MECR: variants seen among roughly 807,000 people sequenced by gnomAD.
MECR encodes mitochondrial trans-2-enoyl-CoA reductase, also known as enoyl-[acyl-carrier-protein] reductase, mitochondrial.
Under a neutral mutation model 49.1 loss-of-function variants are expected in MECR, and 37 were observed. The ratio of observed to expected loss-of-function variants is 0.75; its 90% CI spans 0.58 to 0.99. The LOEUF (loss-of-function observed/expected upper bound fraction) is 0.99, where lower values mean the gene tolerates loss of function less well. MECR is among the 50% of genes least tolerant of loss of function. The probability of loss-of-function intolerance (pLI) is 0.00; values close to 1 mark genes in which losing one functional copy is unlikely to be tolerated. For missense variants in MECR, 470 were observed against 479.6 expected, an observed-to-expected ratio of 0.98 and a Z score of 0.19; for synonymous variants, 198 against 191.1, an observed-to-expected ratio of 1.04 and a Z score of -0.30.
intron 1 of MECR, 64 bp downstream of exon 1, chr1:29,230,667 C>T: frequency 6.6e-7 from 1 of 1,525,618 alleles, no homozygotes; most frequent in Non-Finnish European, 8.8e-7. Context: ...TCCCAGTCCG[C>T]AGCTCGTGTT....
chr1:29,172,812 T>C, the MECR span: 2 of 152,178 alleles, frequency 1.3e-5, no homozygotes, highest in Non-Finnish European at 1.5e-5. Context: ...CAAAGTTTTA[T>C]GCACATAATA....
chr1:29,188,920 G>A (rs1327088399), downstream of MECR, among the ~76,000 whole-genome samples: 1 of 150,770 alleles, frequency 6.6e-6, no homozygotes, highest in East Asian at 2.0e-4. Flanking sequence ...TTACAGGCGT[G>A]AGCCACCACG....
the MECR span, chr1:29,171,079 C>T: frequency 6.6e-6 from 1 of 152,106 alleles, no homozygotes; most frequent in African/African-American, 2.4e-5. Flanking sequence ...ACCAGACGGC[C>T]CTAGGAATGA....
intron 1 of MECR, chr1:29,223,179 C>T (rs1175078074): frequency 5.1e-6 from 5 of 985,272 alleles, no homozygotes; most frequent in African/African-American, 1.7e-5. Flanking sequence ...CCATGCAACT[C>T]GAGGGGATGC....
At chr1:29,191,460 C>T (rs535868719), downstream of MECR, among the ~76,000 whole-genome samples, 83 of 152,144 alleles carry the variant, frequency 5.5e-4, no homozygotes, top group Non-Finnish European at 1.1e-3. Context: ...TGTACCAGCA[C>T]GCCTGTCTAA....
chr1:29,205,860 AC>A (rs1676459163), intron 4 of MECR, among the ~76,000 whole-genome samples: 1 of 151,918 alleles, frequency 6.6e-6, no homozygotes, highest in Admixed American at 6.6e-5. Flanking sequence ...CGCAGCAGTA[AC>A]CGGGCTTCAT....
intron 1 of MECR, among the ~76,000 whole-genome samples, chr1:29,217,127 C>CAAA (rs1195549293): frequency 1.7e-4 from 8 of 47,260 alleles, no homozygotes; most frequent in African/African-American, 2.6e-4. Flanking sequence ...GACTTTGTCT[C>CAAA]AAAAAAAAAA....
At chr1:29,172,111 T>G in the MECR span, 1 of 152,112 alleles carries the variant, frequency 6.6e-6, no homozygotes, top group South Asian at 2.1e-4. Context: ...ATACACTTTT[T>G]TGGGGGGTAA....
rs1574449631 is a variant in MECR, at chr1:29,216,967, T to G, written c.177-282A>C. Among the ~76,000 whole-genome samples the G allele has an allele frequency of 2.6e-5, 4 of 151,080 alleles. No homozygotes were observed. In the East Asian group the frequency reaches 7.9e-4, roughly 30 times the overall value. On this transcript the variant is annotated intron_variant, in intron 1 of 9. Transcript: ENST00000263702. ...CTGGCCAACATGGTGAAAACCTGTC[T>G]CTACTAAAATACAAAAATTAGCTGG...
In MECR at chr1:29,221,015, G is replaced by A. The variant is rs946956894; in HGVS notation, c.177-4330C>T. The A allele has an allele frequency of 1.3e-5, 8 of 629,638 alleles. No individual in the cohort carries two copies. In the African/African-American group the frequency reaches 1.4e-4, roughly 11 times the overall value. 39.0% of individuals were successfully genotyped at this position (629,638 alleles called of 1,614,324 possible). On this transcript the variant is annotated intron_variant, in intron 1 of 9. Transcript: ENST00000263702. Reference sequence around the variant, plus strand: ...CAACAAATATTTATGGACAGTCGAAGTATCAGATACTGTGCCAAGGGGTTT... The same window carrying A: ...CAACAAATATTTATGGACAGTCGAAATATCAGATACTGTGCCAAGGGGTTT...
chr1:29,205,548 C>T (rs190707353), intron 4 of MECR, among the ~76,000 whole-genome samples: 153 of 150,146 alleles, frequency 1.0e-3, no homozygotes, highest in African/African-American at 3.4e-3. Context: ...CTGAGCAGGC[C>T]GGCTGGGGGT....
chr1:29,207,053 G>C, intron 3 of MECR, 148 bp from the exon 4 acceptor site: 1 of 799,518 alleles, frequency 1.3e-6, no homozygotes. Flanking sequence ...TTTAGAAAAA[G>C]AAGAAAATCT....
At chr1:29,215,353 G>T (rs972173538) in intron 3 of MECR, among the ~76,000 whole-genome samples, 1 of 152,134 alleles carries the variant, frequency 6.6e-6, no homozygotes, top group East Asian at 1.9e-4. Context: ...GCTGAGTGGT[G>T]GGTCACCTGA....
chr1:29,190,095 C>T (rs1437954702), downstream of MECR, among the ~76,000 whole-genome samples: 1 of 152,162 alleles, frequency 6.6e-6, no homozygotes, highest in East Asian at 1.9e-4. Flanking sequence ...ATAGTCAAGG[C>T]CGGGCGCGGT....
rs957464043 is a variant in MECR, at chr1:29,195,894, A to T, written c.964+47T>A. The T allele has an allele frequency of 3.1e-6, 5 of 1,590,966 alleles. No individual in the cohort carries two copies. In the African/African-American group the frequency reaches 5.4e-5, roughly 17 times the overall value. ...GCTGGTCATTTCTGCTGCCATTTTT[A>T]GGCACTGCCCTCATCTGTGACTCTT... On this transcript the variant is annotated intron_variant, in intron 9 of 9. Coordinates refer to ENST00000263702, the MANE Select transcript of MECR (RefSeq NM_016011.5).
At chr1:29,206,677 A>G (rs1439541506) in intron 4 of MECR, 85 bp downstream of exon 4, 1 of 1,509,080 alleles carries the variant, frequency 6.6e-7, no homozygotes, top group African/African-American at 1.4e-5. Context: ...TCCACCTTGC[A>G]AGTTCTCCTG....
chr1:29,210,680 G>C lies in MECR; in HGVS notation c.407-3775C>G, dbSNP rs553718969. ...AGGCAGCACCCGTGGTCAGAGACAA[G>C]GGCTTTCAGGGTTTCAAGTAGAACT... is the stretch of plus-strand genomic sequence containing the variant. On this transcript the variant is annotated intron_variant, in intron 3 of 9. Transcript: ENST00000263702. Among the ~76,000 whole-genome samples the C allele has an allele frequency of 1.3e-4, 20 of 152,286 alleles. No individual in the cohort carries two copies. The South Asian group carries it at 2.5e-3, about 19-fold the overall frequency.
intron 1 of MECR, 73 bp downstream of exon 1, chr1:29,230,658 C>T (rs1683189221): frequency 1.3e-6 from 2 of 1,517,376 alleles, no homozygotes; most frequent in Non-Finnish European, 1.8e-6. Flanking sequence ...TCCCTCTCTT[C>T]CCAGTCCGCA....
At chr1:29,186,811 G>A in the MECR span, among the ~76,000 whole-genome samples, 17,503 of 152,200 alleles carry the variant, frequency 0.12, 1,374 homozygotes, top group East Asian at 0.41. Flanking sequence ...TATGGTCAGG[G>A]GATCTGGCTT....
Sources: gnomAD v4.1 joint callset for allele counts (sites outside exome capture counted in the v4.1 genomes callset) on GRCh38, gnomAD v4.1.1 for gene constraint, MANE v1.5 for transcripts, NCBI Gene and HGNC (gene_info 2026-07-23, HGNC 2026-07-21) for gene names.